Variants in DAB1 observed in about 807,000 individuals in gnomAD.
DAB1 encodes DAB adaptor protein 1, also known as disabled homolog 1.
DAB1 carries 15 observed loss-of-function variants against 64.6 expected under a neutral mutation model. That is an observed-to-expected ratio of 0.23 (90% CI 0.16 to 0.36). The LOEUF (loss-of-function observed/expected upper bound fraction) is 0.36, where lower values mean the gene tolerates loss of function less well. Ranked by LOEUF, DAB1 falls within the 10% of genes least tolerant of loss-of-function variation. DAB1 has a pLI of 1.00. For synonymous variants in DAB1, 235 were observed against 251.9 expected (o/e 0.93, Z 0.64); for missense variants, 596 against 706.7 (o/e 0.84, Z 1.78).
At chr1:57,533,256 T>A in intron 7 of DAB1, among the ~76,000 whole-genome samples, 1 of 152,072 alleles carries the variant, frequency 6.6e-6, no homozygotes, top group Non-Finnish European at 1.5e-5. Flanking sequence ...ATTTCAGAAA[T>A]CAGATTTCTT....
intron 3 of DAB1, among the ~76,000 whole-genome samples, chr1:58,480,151 C>T (rs1645459204): frequency 6.6e-6 from 1 of 152,074 alleles, no homozygotes; most frequent in South Asian, 2.1e-4. Context: ...TGTCGTTTTC[C>T]TCCAGTCGTC....
chr1:57,984,594 A>G (rs1369184580), intron 5 of DAB1, among the ~76,000 whole-genome samples: 1 of 152,214 alleles, frequency 6.6e-6, no homozygotes, highest in African/African-American at 2.4e-5. Flanking sequence ...TTTGGAGGCA[A>G]GTTACTTTTA....
In DAB1 at chr1:58,191,334, C is replaced by G. The variant is rs536731854; in HGVS notation, n.310-40746G>C. Among the ~76,000 whole-genome samples the G allele has an allele frequency of 2.6e-5, 4 of 152,236 alleles. No individual in the cohort carries two copies. The East Asian group carries it at 5.8e-4, about 22-fold the overall frequency. On this transcript the variant is annotated intron_variant and non_coding_transcript_variant, in intron 4 of 20. Transcript: ENST00000485760. ...AATGGAGGTTTAGAAAAATTAGGTA[C>G]CTTGCCCAAAGGTACATCTCTAGTT...
chr1:57,023,606 A>G lies in DAB1; in HGVS notation c.820T>C (p.Ser274Pro), dbSNP rs1158907424. 2.5e-6 allele frequency: 4 copies of G among 1,612,662 alleles called. No homozygotes were observed. Among genetic ancestry groups the G allele is most frequent in the Non-Finnish European group, 3.4e-6 (4 of 1,179,514 alleles). ...PATPGDAFIP[S>P]SSQTLPASAD... ...CTCGCTGGAAGGGTCTGAGATGAAG[A>G]TGGGATAAAGGCATCACCTGGAGTT... Residue 274 changes from serine to proline, a missense_variant, in exon 11 of 15, where the codon TCT becomes CCT. By Grantham distance (74) the Ser-to-Pro change is moderately conservative (BLOSUM62 -1). Coordinates refer to ENST00000371236, the MANE Select transcript of DAB1 (RefSeq NM_001365792.1).
At chr1:57,974,509 G>T (rs952312731) in intron 5 of DAB1, among the ~76,000 whole-genome samples, 8 of 151,538 alleles carry the variant, frequency 5.3e-5, no homozygotes, top group African/African-American at 1.9e-4. Context: ...TAGATATATA[G>T]ATAGATAGAT....
rs111517848 is a variant in DAB1, at chr1:57,415,246, AACACACACACACAC to A, written c.-137+8670_-137+8683del. Among the ~76,000 whole-genome samples the A allele has an allele frequency of 4.2e-5, 6 of 143,328 alleles. No homozygotes were observed. In the Middle Eastern group the frequency reaches 0.011, roughly 263 times the overall value. The allele number at this position is 143,328 out of a possible 152,430, so 94.0% of individuals were successfully genotyped here. On this transcript the variant is annotated intron_variant, in intron 1 of 14. Coordinates refer to ENST00000371236, the MANE Select transcript of DAB1 (RefSeq NM_001365792.1). ...ATTAGAATAAATGCCTACCTCACAC[AACACACACACACAC>A]ACACACACACACACACACACATATA... is the stretch of plus-strand genomic sequence containing the variant.
chr1:58,199,946 C>G (rs1180942560), intron 4 of DAB1, among the ~76,000 whole-genome samples: 1 of 152,138 alleles, frequency 6.6e-6, no homozygotes, highest in Non-Finnish European at 1.5e-5. Context: ...TTTCTTTCAG[C>G]CAAATGACGG....
rs577390979 is a variant in DAB1, at chr1:58,457,305, G to A, written n.257+48755C>T. Among the ~76,000 whole-genome samples the A allele has an allele frequency of 2.6e-5, 4 of 152,248 alleles. No individual in the cohort carries two copies. In the South Asian group the frequency reaches 6.2e-4, roughly 24 times the overall value. On this transcript the variant is annotated intron_variant and non_coding_transcript_variant, in intron 3 of 20. Coordinates refer to the DAB1 transcript ENST00000485760. ...CAAGAAGTAGCGAGGAAAACCACCC[G>A]AGAGTCAGACAGTGCTCCCTCCCTC...
At chr1:58,527,877 C>T (rs1318472673) in intron 1 of DAB1, among the ~76,000 whole-genome samples, 1 of 152,074 alleles carries the variant, frequency 6.6e-6, no homozygotes, top group East Asian at 1.9e-4. Flanking sequence ...CTTCTGACTT[C>T]AATAAAAAAC....
chr1:57,296,942 A>G (rs746252191), intron 1 of DAB1, among the ~76,000 whole-genome samples: 1 of 152,244 alleles, frequency 6.6e-6, no homozygotes, highest in Non-Finnish European at 1.5e-5. Flanking sequence ...ATTGTTTATC[A>G]GTTCCAAGGG....
chr1:58,218,680 A>C (rs926341226), intron 4 of DAB1, among the ~76,000 whole-genome samples: 1 of 152,154 alleles, frequency 6.6e-6, no homozygotes, highest in Non-Finnish European at 1.5e-5. Context: ...GAAGGTGCTG[A>C]GAAATGAGGA....
intron 7 of DAB1, among the ~76,000 whole-genome samples, chr1:57,625,421 A>G (rs1037713612): frequency 1.3e-5 from 2 of 152,132 alleles, no homozygotes; most frequent in Non-Finnish European, 2.9e-5. Flanking sequence ...AGCAGAGGAT[A>G]AAAAGAAGGC....
At chr1:58,321,686 C>T (rs1391765883) in intron 4 of DAB1, among the ~76,000 whole-genome samples, 7 of 152,362 alleles carry the variant, frequency 4.6e-5, no homozygotes, top group Middle Eastern at 3.4e-3. Flanking sequence ...GATCCACCTG[C>T]GAGGCAGCAG....
At chr1:58,025,316 A>G (rs1646873372) in intron 5 of DAB1, among the ~76,000 whole-genome samples, 1 of 152,006 alleles carries the variant, frequency 6.6e-6, no homozygotes, top group Non-Finnish European at 1.5e-5. Context: ...GAGAGATTAG[A>G]GCTTCTAAAT....
intron 1 of DAB1, among the ~76,000 whole-genome samples, chr1:57,340,428 C>A (rs148185940): frequency 2.8e-4 from 42 of 152,280 alleles, no homozygotes; most frequent in African/African-American, 9.9e-4. Context: ...TTGGGAAAAC[C>A]TCTGCATTGG....
intron 7 of DAB1, among the ~76,000 whole-genome samples, chr1:57,519,547 C>G (rs1644501676): frequency 6.6e-6 from 1 of 152,132 alleles, no homozygotes. Flanking sequence ...TGGCCACAGA[C>G]CCCCCTGTAA....
intron 5 of DAB1, among the ~76,000 whole-genome samples, chr1:57,981,733 CCT>C (rs375947025): frequency 6.6e-4 from 100 of 152,248 alleles, no homozygotes; most frequent in African/African-American, 2.3e-3. Context: ...TCTGTTGTCC[CCT>C]GACATAAATT....
intron 7 of DAB1, among the ~76,000 whole-genome samples, chr1:57,635,930 C>A (rs1387508487): frequency 1.3e-5 from 2 of 151,620 alleles, no homozygotes; most frequent in Admixed American, 6.6e-5. Context: ...CCCGTCACTA[C>A]TAAAAATACA....
intron 3 of DAB1, among the ~76,000 whole-genome samples, chr1:58,416,262 C>T (rs996245921): frequency 1.3e-5 from 2 of 152,130 alleles, no homozygotes; most frequent in Non-Finnish European, 2.9e-5. Flanking sequence ...TCACACAGAC[C>T]AGGGTTCAAG....
Sources: allele counts gnomAD v4.1 joint callset (sites outside exome capture counted in the v4.1 genomes callset), GRCh38; gene constraint gnomAD v4.1.1; transcripts MANE v1.5; gene names NCBI Gene and HGNC (gene_info 2026-07-23, HGNC 2026-07-21).